ADNP2: variants seen among roughly 807,000 people sequenced by gnomAD.
ADNP2 encodes the protein activity-dependent neuroprotector homeobox protein 2.
In ADNP2, 8 loss-of-function variants were observed where a neutral mutation model predicts 16.4. The observed-to-expected ratio is 0.49, with a 90% CI of 0.29 to 0.88. The LOEUF is 0.88. Ranked by LOEUF, ADNP2 falls within the 40% of genes least tolerant of loss-of-function variation. The probability of loss-of-function intolerance (pLI) is 0.09; values close to 1 mark genes in which losing one functional copy is unlikely to be tolerated. For synonymous variants in ADNP2, 637 were observed against 545.8 expected (o/e 1.17, Z -2.33); for missense variants, 1,397 against 1,395.1 (o/e 1.00, Z -0.02).
Position 80,133,103 on chromosome 18 carries a change from G to C in ADNP2, c.109G>C (p.Asp37His). 1.3e-6 allele frequency: 2 copies of C among 1,585,382 alleles called. No individual in the cohort carries two copies. Among genetic ancestry groups the C allele is most frequent in the Non-Finnish European group, 1.7e-6 (2 of 1,166,902 alleles). Residue 37 changes from aspartate to histidine, a missense_variant and splice_region_variant, in exon 3 of 4, where the codon GAC becomes CAC. By Grantham distance (81) the Asp-to-His change is moderately conservative. Coordinates refer to ENST00000262198, the MANE Select transcript of ADNP2 (RefSeq NM_014913.4). ...TCTTTTTTTTCTCCCTTTTTAAAAG[G>C]ACCTTAAAGGCTTTGATCCAGGAGA... is the stretch of plus-strand genomic sequence containing the variant. ...GLDSCKELLK[D>H]LKGFDPGEKY...
Position 80,137,416 on chromosome 18 carries a change from C to G in ADNP2, c.2003C>G (p.Ala668Gly), listed in dbSNP as rs564307452. The change falls in exon 4 of 4, where the codon GCT (alanine) becomes GGT (glycine). Residue 668 changes from alanine to glycine, a missense_variant. Physicochemically the swap from Ala to Gly is moderately conservative, Grantham distance 60. Around this residue, in one of 3 missense-constraint regions of ADNP2, gnomAD observed 611 missense variants for 648.7 expected, o/e 0.94. Coordinates refer to ENST00000262198, the MANE Select transcript of ADNP2 (RefSeq NM_014913.4). The surrounding 1 kb of genome is among the most constrained non-coding windows in gnomAD (Gnocchi z 4.2). ...CCCTCTCCTCCAGTGCTGGTGAATG[C>G]TGCTCAGAGCGTGTTTGTTCAGGCC... The part of the protein sequence containing the change: ...GMPSPPVLVN[A>G]AQSVFVQASS... 5 of 1,614,214 alleles carry G rather than the reference C, an allele frequency of 3.1e-6. No individual in the cohort carries two copies. In the African/African-American group the frequency reaches 5.3e-5, roughly 17 times the overall value.
chr18:80,114,495 T>G (rs115554172), intron 1 of ADNP2, among the ~76,000 whole-genome samples: 165 of 152,284 alleles, frequency 1.1e-3, no homozygotes, highest in African/African-American at 3.9e-3. Flanking sequence ...ATAACTTTTT[T>G]CCCTGAATCA....
chr18:80,136,167 T>G lies in ADNP2; in HGVS notation c.754T>G (p.Ser252Ala). 13 of 1,614,248 alleles carry G rather than the reference T, an allele frequency of 8.1e-6. No homozygotes were observed. Among genetic ancestry groups the G allele is most frequent in the Non-Finnish European group, 1.0e-5 (12 of 1,180,038 alleles). Residue 252 changes from serine to alanine, a missense_variant, in exon 4 of 4, where the codon TCA (serine) becomes GCA (alanine). This residue lies in a region of ADNP2 where 777 missense variants were observed against 719.4 expected (regional missense o/e 1.08). Coordinates refer to ENST00000262198, the MANE Select transcript of ADNP2 (RefSeq NM_014913.4). Reference sequence around the variant, plus strand: ...GGAGAATAAGCTTAGATCTGTGATTTCAGAACATATTAAGAGGACTGGACT... The same window carrying G: ...GGAGAATAAGCTTAGATCTGTGATTGCAGAACATATTAAGAGGACTGGACT... ...DLENKLRSVISEHIKRTGLLK... is the reference protein window; with the variant it reads ...DLENKLRSVIAEHIKRTGLLK...
rs1399896849 is a variant in ADNP2 at position 80,139,576 on chromosome 18, G to A, written c.*767G>A. On this transcript the variant is annotated 3_prime_UTR_variant, in exon 4 of 4. Transcript: ENST00000262198. ...CAGTGTAGATTTTCCCTTTTGATATGCTAAGTCATTTCTCCGTTCAGAGGT... is the reference window on the plus strand; with the variant it reads ...CAGTGTAGATTTTCCCTTTTGATATACTAAGTCATTTCTCCGTTCAGAGGT... 6.6e-6 allele frequency: 1 copy of A among 150,996 alleles called. No homozygotes were observed. Among genetic ancestry groups the A allele is most frequent in the African/African-American group, 2.5e-5 (1 of 40,784 alleles). The allele number at this position is 150,996 out of a possible 1,614,324, so 9.4% of individuals were successfully genotyped here.
intron 2 of ADNP2, among the ~76,000 whole-genome samples, chr18:80,126,869 A>G (rs1283933904): frequency 6.6e-6 from 1 of 152,186 alleles, no homozygotes; most frequent in Non-Finnish European, 1.5e-5. Flanking sequence ...CTCCACAGTC[A>G]ACCACGGTTT....
Position 80,138,741 on chromosome 18 carries a change from C to T in ADNP2, c.3328C>T (p.Leu1110Phe). 1 of 1,600,992 alleles carries T rather than the reference C, an allele frequency of 6.2e-7. No homozygotes were observed. Residue 1110 changes from leucine to phenylalanine, a missense_variant, in exon 4 of 4, where the codon CTT (leucine) becomes TTT (phenylalanine). By Grantham distance (22) the Leu-to-Phe change is conservative (BLOSUM62 0). Around this residue, in one of 3 missense-constraint regions of ADNP2, gnomAD observed 611 missense variants for 648.7 expected, o/e 0.94. Transcript: ENST00000262198. ...AATAAAAAATCACAAGCCTTCTGTA[C>T]TTTTAGGCTTTGATATGTCTGAACT... ...KAIKNHKPSV[L>F]LGFDMSELKN...
intron 1 of ADNP2, among the ~76,000 whole-genome samples, chr18:80,114,407 AT>A (rs2052376479): frequency 6.6e-6 from 1 of 152,146 alleles, no homozygotes; most frequent in African/African-American, 2.4e-5. Context: ...ACTGATATAT[AT>A]TTTAGCTTTT....
At chr18:80,132,924 T>A (rs992025236) in intron 2 of ADNP2, among the ~76,000 whole-genome samples, 179 bp from the exon 3 acceptor site, 1 of 152,190 alleles carries the variant, frequency 6.6e-6, no homozygotes, top group African/African-American at 2.4e-5. Flanking sequence ...TTTCGCCATG[T>A]TGGCCAGGCT....
chr18:80,128,925 C>T (rs1033974505), intron 2 of ADNP2, among the ~76,000 whole-genome samples: 3 of 151,974 alleles, frequency 2.0e-5, no homozygotes, highest in African/African-American at 4.8e-5. Context: ...CCATTAACAT[C>T]GTATTGTTAG....
At position 80,137,450 on chromosome 18, in the gene ADNP2, T is replaced by G. The variant is rs761403096; in HGVS notation, c.2037T>G (p.Ser679=). Residue 679 remains serine, a synonymous_variant, in exon 4 of 4, where the codon TCT becomes TCG. Coordinates refer to ENST00000262198, the MANE Select transcript of ADNP2 (RefSeq NM_014913.4). This position sits in a 1 kb window ranked among gnomAD's most constrained non-coding sequence, Gnocchi z 4.2. The stretch of plus-strand genomic sequence containing the variant: ...GCGTGTTTGTTCAGGCCTCCTCCTC[T>G]GCAGCAGACACAAACCAGGTGCTCA... The part of the protein sequence containing the change: ...AQSVFVQASS[S]AADTNQVLKQ... 6.2e-7 allele frequency: 1 copy of G among 1,614,218 alleles called. No homozygotes were observed. The highest frequency in any genetic ancestry group is 1.1e-5 in the South Asian group (1 of 91,090).
At position 80,120,933 on chromosome 18, in the gene ADNP2, A is replaced by G. The variant is rs1465833983; in HGVS notation, c.108+3283A>G. Among the ~76,000 whole-genome samples, 4 of 152,186 alleles carry G rather than the reference A, an allele frequency of 2.6e-5. 1 individual carries two copies. In the East Asian group the frequency reaches 7.7e-4, roughly 29 times the overall value. Reference sequence around the variant, plus strand: ...TTTTGTCTCTTGTGAATTATGCTGCAATGAACATTGGTGCACAAGTATTTG... The same window carrying G: ...TTTTGTCTCTTGTGAATTATGCTGCGATGAACATTGGTGCACAAGTATTTG... On this transcript the variant is annotated intron_variant, in intron 2 of 3. Transcript: ENST00000262198.
At chr18:80,132,675 C>G (rs368730275) in intron 2 of ADNP2, among the ~76,000 whole-genome samples, 26,349 of 142,794 alleles carry the variant, frequency 0.18, 2,681 homozygotes, top group Middle Eastern at 0.26. Flanking sequence ...CTCCCCTCTT[C>G]CTCCCCTCTC....
rs1313798855 is a variant in ADNP2, at chr18:80,135,484, A to G, written c.199-128A>G. ...GAAAAAGTTTGCCAACCCCTGGGTT[A>G]GAAAACATTAAGTCAGGTTAAATGC... On this transcript the variant is annotated intron_variant, in intron 3 of 3. Transcript: ENST00000262198. The G allele has an allele frequency of 6.1e-6, 6 of 989,220 alleles. 1 individual carries two copies. The African/African-American group carries it at 6.6e-5, about 11-fold the overall frequency. 61.3% of individuals were successfully genotyped at this position (989,220 alleles called of 1,614,324 possible). A position where few individuals can be genotyped will look rare whatever the true frequency, so the allele number is the denominator to read the frequency against.
chr18:80,137,713 T>G lies in ADNP2; in HGVS notation c.2300T>G (p.Met767Arg). 1 of 1,614,194 alleles carries G rather than the reference T, an allele frequency of 6.2e-7. No individual in the cohort carries two copies. Among genetic ancestry groups the G allele is most frequent in the Non-Finnish European group, 8.5e-7 (1 of 1,180,034 alleles). Residue 767 changes from methionine to arginine, a missense_variant, in exon 4 of 4, where the codon ATG (methionine) becomes AGG (arginine). Met to Arg is a moderately conservative substitution (Grantham distance 91). Around this residue, in one of 3 missense-constraint regions of ADNP2, gnomAD observed 611 missense variants for 648.7 expected, o/e 0.94. Coordinates refer to ENST00000262198, the MANE Select transcript of ADNP2 (RefSeq NM_014913.4). The surrounding 1 kb of genome is among the most constrained non-coding windows in gnomAD (Gnocchi z 4.2). ...SEEELIHHLL[M>R]HGLGCLFCPC... is the part of the protein sequence containing the mutation. ...GAAGAGCTTATACACCACTTGCTGA[T>G]GCATGGCTTGGGGTGCTTGTTCTGT...
chr18:80,128,035 T>A (rs937103007), intron 2 of ADNP2, among the ~76,000 whole-genome samples: 108 of 152,230 alleles, frequency 7.1e-4, no homozygotes, highest in African/African-American at 2.6e-3. Context: ...GTAGCTTACT[T>A]CTTTTGTCTA....
rs766490743 is a variant in ADNP2, at chr18:80,140,188, A to G, written c.*1379A>G. Reference sequence around the variant, plus strand: ...TTAAAAAATATAATACTTGCATGTAATTGCTATAATGTTCATATTTGAGGC... The same window carrying G: ...TTAAAAAATATAATACTTGCATGTAGTTGCTATAATGTTCATATTTGAGGC... On this transcript the variant is annotated 3_prime_UTR_variant, in exon 4 of 4. Transcript: ENST00000262198. 9.8e-5 allele frequency: 15 copies of G among 152,430 alleles called. No homozygotes were observed. Among genetic ancestry groups the G allele is most frequent in the Non-Finnish European group, 1.9e-4 (13 of 68,028 alleles). The allele number at this position is 152,430 out of a possible 1,614,324, so 9.4% of individuals were successfully genotyped here.
At chr18:80,118,061 TTGTC>T (rs2052400512) in intron 2 of ADNP2, among the ~76,000 whole-genome samples, 1 of 152,178 alleles carries the variant, frequency 6.6e-6, no homozygotes, top group Non-Finnish European at 1.5e-5. Flanking sequence ...TCCTAAAATT[TTGTC>T]TGTCCTTATA....
chr18:80,115,297 G>A (rs774610303), intron 1 of ADNP2, among the ~76,000 whole-genome samples: 2 of 152,138 alleles, frequency 1.3e-5, no homozygotes, highest in African/African-American at 4.8e-5. Context: ...TCCGGCACAG[G>A]ATGTTCTAGG....
At position 80,138,079 on chromosome 18, in the gene ADNP2, C is replaced by T. The variant is rs2052554765; in HGVS notation, c.2666C>T (p.Ala889Val). 1 of 1,613,742 alleles carries T rather than the reference C, an allele frequency of 6.2e-7. No individual in the cohort carries two copies. Among genetic ancestry groups the T allele is most frequent in the Admixed American group, 1.7e-5 (1 of 60,008 alleles). The change falls in exon 4 of 4, where the codon GCC becomes GTC. Residue 889 changes from alanine to valine, a missense_variant. This residue lies in a region of ADNP2 where 611 missense variants were observed against 648.7 expected (regional missense o/e 0.94). Coordinates refer to ENST00000262198, the MANE Select transcript of ADNP2 (RefSeq NM_014913.4). ...TTTGGCCCCTTTGTGACAACTGAGG[C>T]CTATGAGCTGCATTTGAAGGAGAGG... ...FCFGPFVTTE[A>V]YELHLKERHH...
Sources: gnomAD v4.1 joint callset for allele counts (sites outside exome capture counted in the v4.1 genomes callset) on GRCh38, gnomAD v4.1.1 for gene constraint, gnomAD v4.1.1 regional missense constraint, Gnocchi (gnomAD v3.1) non-coding constraint, MANE v1.5 for transcripts, NCBI Gene and HGNC (gene_info 2026-07-23, HGNC 2026-07-21) for gene names.